Variants in DENND2B observed in about 807,000 individuals in gnomAD.
DENND2B encodes the protein DENN domain containing 2B.
DENND2B carries 32 observed loss-of-function variants against 116.0 expected under a neutral mutation model. That is an observed-to-expected ratio of 0.28 (90% CI 0.21 to 0.37). The LOEUF is 0.37. DENND2B is among the 10% of genes least tolerant of loss of function. The pLI is 1.00. For missense variants in DENND2B, 1,276 were observed against 1,477.7 expected (o/e 0.86, Z 2.24); for synonymous variants, 588 against 583.9 (o/e 1.01, Z -0.10).
rs149014691 is a variant in DENND2B at position 8,788,618 on chromosome 11, G to T, written c.-26+21899C>A. 1.3e-5 allele frequency among the ~76,000 whole-genome samples: 2 copies of T among 152,054 alleles called. 1 individual carries two copies. The highest frequency in any genetic ancestry group is 4.8e-5 in the African/African-American group (2 of 41,364). On this transcript the variant is annotated intron_variant, in intron 1 of 19. Coordinates refer to ENST00000313726, the MANE Select transcript of DENND2B (RefSeq NM_213618.2). ...CACACACCAGGCTCTCCCTGAGGGC[G>T]CTCTCTCCACCCTGGCAACTTCAAT...
intron 1 of DENND2B, among the ~76,000 whole-genome samples, chr11:8,795,502 C>T (rs1294534105): frequency 2.0e-5 from 3 of 152,158 alleles, no homozygotes; most frequent in Non-Finnish European, 4.4e-5. Context: ...GAGTTTGGTG[C>T]ACAGTCAAGT....
intron 4 of DENND2B, among the ~76,000 whole-genome samples, chr11:8,721,247 G>GCTCCCACTCCTCCCCACAAC (rs1236610282): frequency 4.0e-5 from 6 of 151,554 alleles, no homozygotes; most frequent in African/African-American, 1.2e-4. Context: ...TCTGGGCCCT[G>GCTCCCACTCCTCCCCACAAC]CTCCCACTCC....
intron 1 of DENND2B, among the ~76,000 whole-genome samples, chr11:8,780,400 A>C (rs2058259536): frequency 6.6e-6 from 1 of 152,234 alleles, no homozygotes; most frequent in Admixed American, 6.5e-5. Context: ...GATTACTTCC[A>C]AATAAAGGAT....
rs1006186492 is a variant in DENND2B, at chr11:8,700,871, G to A, written c.2721-1481C>T. 4.6e-5 allele frequency among the ~76,000 whole-genome samples: 7 copies of A among 151,946 alleles called. No homozygotes were observed. In the East Asian group the frequency reaches 1.2e-3, roughly 25 times the overall value. On this transcript the variant is annotated intron_variant, in intron 14 of 19. Coordinates refer to ENST00000313726, the MANE Select transcript of DENND2B (RefSeq NM_213618.2). Reference sequence around the variant, plus strand: ...GAGACAGAGTGTCACTCCCAGGCTGGAGTGCAGTGGCACAATCTCCGCTCA... The same window carrying A: ...GAGACAGAGTGTCACTCCCAGGCTGAAGTGCAGTGGCACAATCTCCGCTCA...
intron 1 of DENND2B, among the ~76,000 whole-genome samples, chr11:8,909,555 T>G (rs569595445): frequency 2.3e-4 from 35 of 152,308 alleles, no homozygotes; most frequent in African/African-American, 7.7e-4. Flanking sequence ...ACAACCACTA[T>G]GTTCTAAAGG....
chr11:8,817,139 T>C (rs918423959), intron 4 of DENND2B, among the ~76,000 whole-genome samples: 1 of 152,136 alleles, frequency 6.6e-6, no homozygotes, highest in Admixed American at 6.6e-5. Flanking sequence ...CCTGCTGAGG[T>C]CCTTGCTCAG....
At chr11:8,701,310 C>A (rs560682589) in intron 14 of DENND2B, among the ~76,000 whole-genome samples, 2 of 126,204 alleles carry the variant, frequency 1.6e-5, no homozygotes, top group African/African-American at 6.1e-5. Context: ...CCTACATTCG[C>A]ATATTAAAAG....
chr11:8,887,059 C>T (rs1484705164), intron 1 of DENND2B, among the ~76,000 whole-genome samples: 2 of 152,088 alleles, frequency 1.3e-5, no homozygotes, highest in African/African-American at 2.4e-5. Flanking sequence ...AACTCCCAAC[C>T]TCAGGTGATC....
chr11:8,702,874 TC>T lies in DENND2B; in HGVS notation c.2572-155del. 1 of 885,798 alleles carries T rather than the reference TC, an allele frequency of 1.1e-6. No individual in the cohort carries two copies. The allele number at this position is 885,798 out of a possible 1,614,324, so 54.9% of individuals were successfully genotyped here. A position where few individuals can be genotyped will look rare whatever the true frequency, so the allele number is the denominator to read the frequency against. On this transcript the variant is annotated intron_variant, in intron 13 of 19. Transcript: ENST00000313726. This position sits in a 1 kb window ranked among gnomAD's most constrained non-coding sequence, Gnocchi z 4.6. Reference sequence around the variant, plus strand: ...CTATGCAGTAAACCCCTCTTCTCCATCCCTCGGACTACAGCTCTGCTCTCGT... The same window carrying T: ...CTATGCAGTAAACCCCTCTTCTCCATCCTCGGACTACAGCTCTGCTCTCGT...
At chr11:8,854,981 A>T (rs979538200) in intron 3 of DENND2B, among the ~76,000 whole-genome samples, 1 of 152,058 alleles carries the variant, frequency 6.6e-6, no homozygotes, top group Non-Finnish European at 1.5e-5. Context: ...CTACAAAAAA[A>T]TTTTTTTGAA....
At chr11:8,755,147 C>T (rs1353159643) in intron 1 of DENND2B, among the ~76,000 whole-genome samples, 1 of 152,158 alleles carries the variant, frequency 6.6e-6, no homozygotes, top group African/African-American at 2.4e-5. Flanking sequence ...TGCACCACAG[C>T]CTAGGCGAAC....
chr11:8,800,508 T>C (rs1047570743), intron 1 of DENND2B, among the ~76,000 whole-genome samples: 1 of 152,166 alleles, frequency 6.6e-6, no homozygotes, highest in African/African-American at 2.4e-5. Context: ...AACAGGATGT[T>C]TGACCATCAT....
intron 1 of DENND2B, among the ~76,000 whole-genome samples, chr11:8,767,387 G>A (rs907533559): frequency 3.3e-5 from 5 of 151,666 alleles, no homozygotes; most frequent in Non-Finnish European, 7.4e-5. Flanking sequence ...GTCCCCCAAG[G>A]AGACCTCAGA....
intron 1 of DENND2B, among the ~76,000 whole-genome samples, chr11:8,799,316 G>C (rs2060108053): frequency 6.6e-6 from 1 of 152,212 alleles, no homozygotes; most frequent in Admixed American, 6.5e-5. Context: ...GGAAAGGACA[G>C]TGCTACCTGT....
At chr11:8,854,092 C>G (rs1471360136) in intron 3 of DENND2B, among the ~76,000 whole-genome samples, 3 of 132,798 alleles carry the variant, frequency 2.3e-5, no homozygotes, top group Non-Finnish European at 4.6e-5. Context: ...GTATTGAAGT[C>G]CTGGCCTCAA....
In DENND2B at chr11:8,715,319, G is replaced by A. The variant is rs191935950; in HGVS notation, c.1845+284C>T. On this transcript the variant is annotated intron_variant, in intron 6 of 19. Transcript: ENST00000313726. ...AAAGCCTGGAAATGCTTATGTGTGCGGATACCCCAAAATTCATACACCACA... is the reference window on the plus strand; with the variant it reads ...AAAGCCTGGAAATGCTTATGTGTGCAGATACCCCAAAATTCATACACCACA... The A allele has an allele frequency of 6.1e-4, 269 of 437,496 alleles. 1 individual carries two copies. The highest frequency in any genetic ancestry group is 2.1e-3 in the East Asian group (46 of 21,708). 27.1% of individuals were successfully genotyped at this position (437,496 alleles called of 1,614,324 possible). A position where few individuals can be genotyped will look rare whatever the true frequency, so the allele number is the denominator to read the frequency against.
chr11:8,887,689 T>C (rs899769114), intron 1 of DENND2B, among the ~76,000 whole-genome samples: 7 of 152,178 alleles, frequency 4.6e-5, no homozygotes, highest in African/African-American at 1.7e-4. Context: ...CTGCCCCACA[T>C]ACCTTATGCC....
At chr11:8,827,054 T>C (rs1319543321) in intron 4 of DENND2B, among the ~76,000 whole-genome samples, 4 of 152,130 alleles carry the variant, frequency 2.6e-5, no homozygotes, top group Admixed American at 1.3e-4. Context: ...AGTGGCAAAT[T>C]TGGGGGAATT....
intron 1 of DENND2B, among the ~76,000 whole-genome samples, chr11:8,805,212 G>C (rs2060736534): frequency 6.6e-6 from 1 of 152,196 alleles, no homozygotes; most frequent in South Asian, 2.1e-4. Flanking sequence ...ATGCATGTCA[G>C]ATACTCATAT....
Sources: allele counts gnomAD v4.1 joint callset (sites outside exome capture counted in the v4.1 genomes callset), GRCh38; gene constraint gnomAD v4.1.1; non-coding constraint Gnocchi (gnomAD v3.1); transcripts MANE v1.5; gene names NCBI Gene and HGNC (gene_info 2026-07-23, HGNC 2026-07-21).